Variants in DNAH7 observed in about 807,000 individuals in gnomAD.
DNAH7 encodes dynein axonemal heavy chain 7, also known as axonemal beta dynein heavy chain 7.
Under a neutral mutation model 444.6 loss-of-function variants are expected in DNAH7, and 397 were observed. The ratio of observed to expected loss-of-function variants is 0.89; its 90% CI spans 0.82 to 0.97. The LOEUF is 0.97. DNAH7 is among the 50% of genes least tolerant of loss of function. DNAH7 has a pLI of 0.00. For missense variants in DNAH7, 4,902 were observed against 4,800.8 expected, an observed-to-expected ratio of 1.02 and a Z score of -0.62; for synonymous variants, 1,636 against 1,624.4, an observed-to-expected ratio of 1.01 and a Z score of -0.17.
In DNAH7 at chr2:195,864,929, A is replaced by G. The variant is rs770562653; in HGVS notation, c.6726T>C (p.Tyr2242=). 3.1e-6 allele frequency: 5 copies of G among 1,612,144 alleles called. No homozygotes were observed. Among genetic ancestry groups the G allele is most frequent in the Non-Finnish European group, 4.2e-6 (5 of 1,180,004 alleles). ...GCTGAAAAAGCTCATGAAAATCTTC[A>G]TACATGTAGTTTCTCAAAATTTCTT... The part of the protein sequence containing the change: ...YIQEILRNYM[Y]EDFHELFQRL... Residue 2242 remains tyrosine (Y), a synonymous_variant, in exon 41 of 65, where the codon TAT becomes TAC. Transcript: ENST00000312428.
chr2:195,926,532 T>C lies in DNAH7; in HGVS notation c.3506A>G (p.Tyr1169Cys). 8 of 1,602,380 alleles carry C rather than the reference T, an allele frequency of 5.0e-6. No individual in the cohort carries two copies. Among genetic ancestry groups the C allele is most frequent in the East Asian group, 2.3e-5 (1 of 43,844 alleles). Reference protein sequence around the residue: ...TGDATFAYTKYERINWVRDWP... With the variant: ...TGDATFAYTKCERINWVRDWP... ...ATCCCTTACCCAGTTAATTCGTTCA[T>C]ATTTTGTATAGGCAAAAGTTGCATC... Residue 1169 changes from tyrosine to cysteine, a missense_variant, in exon 22 of 65, where the codon TAT becomes TGT. Physicochemically the swap from Tyr to Cys is radical, Grantham distance 194. Coordinates refer to ENST00000312428, the MANE Select transcript of DNAH7 (RefSeq NM_018897.3).
intron 32 of DNAH7, 134 bp downstream of exon 32, chr2:195,888,665 T>C (rs1047404343): frequency 2.9e-6 from 3 of 1,032,546 alleles, no homozygotes; most frequent in Non-Finnish European, 4.2e-6. Context: ...ATAACGTCTG[T>C]ACTTTGAGAA....
chr2:195,858,350 T>A, intron 43 of DNAH7, 124 bp downstream of exon 43: 1 of 837,218 alleles, frequency 1.2e-6, no homozygotes, highest in Non-Finnish European at 1.7e-6. Context: ...AATTTCAAAA[T>A]GATTTCAGCT....
At chr2:195,869,814 T>C (rs1442645303) in intron 40 of DNAH7, among the ~76,000 whole-genome samples, 1 of 152,172 alleles carries the variant, frequency 6.6e-6, no homozygotes, top group Non-Finnish European at 1.5e-5. Context: ...GAAATTCCTC[T>C]GAATGAAGTA....
chr2:195,932,072 A>C (rs1688735992), intron 21 of DNAH7, among the ~76,000 whole-genome samples: 1 of 152,138 alleles, frequency 6.6e-6, no homozygotes, highest in South Asian at 2.1e-4. Context: ...ATGTTCTTCC[A>C]TTTGTTTGTA....
intron 33 of DNAH7, among the ~76,000 whole-genome samples, chr2:195,887,360 A>G (rs2125203890): frequency 6.6e-6 from 1 of 151,642 alleles, no homozygotes; most frequent in East Asian, 1.9e-4. Context: ...TATCTACAAC[A>G]TATTTCAGTT....
Position 196,001,766 on chromosome 2 carries a change from A to G in DNAH7, c.1082T>C (p.Phe361Ser). The change falls in exon 11 of 65, where the codon TTC (phenylalanine) becomes TCC (serine). Residue 361 changes from phenylalanine (F) to serine (S), a missense_variant. Phe to Ser is a radical substitution (Grantham distance 155). Coordinates refer to ENST00000312428, the MANE Select transcript of DNAH7 (RefSeq NM_018897.3). Reference protein sequence around the residue: ...GDSSAKLESFFNCAAALMTLQ... With the variant: ...GDSSAKLESFSNCAAALMTLQ... The stretch of plus-strand genomic sequence containing the variant: ...AGTCATAAGTGCAGCAGCACAGTTG[A>G]AAAAAGATTCCAATTTGGCACTGCT... 1 of 1,613,046 alleles carries G rather than the reference A, an allele frequency of 6.2e-7. No homozygotes were observed. The highest frequency in any genetic ancestry group is 1.1e-5 in the South Asian group (1 of 90,766).
intron 58 of DNAH7, among the ~76,000 whole-genome samples, chr2:195,782,165 T>C (rs7596121): frequency 0.15 from 23,534 of 152,234 alleles, 2,207 homozygotes; most frequent in African/African-American, 0.25. Flanking sequence ...ATGAAGAATC[T>C]ACTTTAGCAA....
chr2:195,859,424 T>TTTTAATAGTTTAATTTAATTAAAATA lies in DNAH7; in HGVS notation c.7737-621_7737-620insTATTTTAATTAAATTAAACTATTAAA, dbSNP rs1699895762. Among the ~76,000 whole-genome samples the TTTTAATAGTTTAATTTAATTAAAATA allele has an allele frequency of 2.6e-5, 4 of 152,224 alleles. 1 individual carries two copies. The highest frequency in any genetic ancestry group is 6.5e-5 in the Admixed American group (1 of 15,280). Reference sequence around the variant, plus strand: ...TTTAGCATATTTTAAAAGTTTAATATTTTAATGTAGTCAAAAATTTAATCT... The same window carrying TTTTAATAGTTTAATTTAATTAAAATA: ...TTTAGCATATTTTAAAAGTTTAATATTTTAATAGTTTAATTTAATTAAAATATTTAATGTAGTCAAAAATTTAATCT... On this transcript the variant is annotated intron_variant, in intron 42 of 64. Coordinates refer to ENST00000312428, the MANE Select transcript of DNAH7 (RefSeq NM_018897.3).
At chr2:195,749,518 A>G (rs1358472962) in intron 63 of DNAH7, among the ~76,000 whole-genome samples, 6 of 152,174 alleles carry the variant, frequency 3.9e-5, no homozygotes, top group Non-Finnish European at 8.8e-5. Flanking sequence ...TGCTGCTATT[A>G]AGACACATGC....
chr2:195,914,252 T>C (rs1687534153), intron 24 of DNAH7, among the ~76,000 whole-genome samples: 1 of 152,240 alleles, frequency 6.6e-6, no homozygotes, highest in African/African-American at 2.4e-5. Context: ...CTAAAGTATG[T>C]GGTATATAGT....
At chr2:195,936,212 A>G (rs898962206) in intron 20 of DNAH7, among the ~76,000 whole-genome samples, 3 of 151,806 alleles carry the variant, frequency 2.0e-5, no homozygotes, top group Non-Finnish European at 4.4e-5. Flanking sequence ...TGTCCCTACT[A>G]AAAATACCAA....
At position 195,771,617 on chromosome 2, in the gene DNAH7, T is replaced by C. The variant is rs79102199; in HGVS notation, c.11433+43A>G. ...GTATTTGCTAAATAAATGAATGCTA[T>C]ATATAATTTAATGGGGGTTTTTTTT... On this transcript the variant is annotated intron_variant, in intron 61 of 64. Transcript: ENST00000312428. The C allele has an allele frequency of 6.4e-3, 8,807 of 1,370,736 alleles. 204 individuals carry two copies. Among genetic ancestry groups the C allele is most frequent in the East Asian group, 0.06 (2,627 of 43,498 alleles). The allele number at this position is 1,370,736 out of a possible 1,614,324, so 84.9% of individuals were successfully genotyped here.
chr2:195,993,662 T>G (rs1344088754), intron 12 of DNAH7, among the ~76,000 whole-genome samples: 1 of 152,214 alleles, frequency 6.6e-6, no homozygotes, highest in Non-Finnish European at 1.5e-5. Flanking sequence ...TGAGGAAGTT[T>G]TGTGTCCCCT....
At position 195,858,518 on chromosome 2, in the gene DNAH7, T is replaced by C. The variant is rs1487565986; in HGVS notation, c.8023A>G (p.Ile2675Val). The C allele has an allele frequency of 3.1e-6, 5 of 1,613,246 alleles. No individual in the cohort carries two copies. Among genetic ancestry groups the C allele is most frequent in the Admixed American group, 1.7e-5 (1 of 59,812 alleles). Residue 2675 changes from isoleucine to valine, a missense_variant, in exon 43 of 65, where the codon ATA (isoleucine) becomes GTA (valine). By Grantham distance (29) the Ile-to-Val change is conservative. Coordinates refer to ENST00000312428, the MANE Select transcript of DNAH7 (RefSeq NM_018897.3). ...AGGGCGGCCAGTGCTGACTCTAATA[T>C]TGGCAAGGCACCTGCCAGGTCAGCA... ...CDADLAGALP[I>V]LESALAALDT... is the part of the protein sequence containing the mutation.
chr2:196,000,914 A>T, intron 11 of DNAH7, 31 bp from the exon 12 acceptor site: 2 of 1,491,984 alleles, frequency 1.3e-6, no homozygotes, highest in Non-Finnish European at 1.8e-6. Context: ...TACATACATA[A>T]ATATGTATGA....
At chr2:196,064,707 T>C (rs1439681286) in intron 1 of DNAH7, among the ~76,000 whole-genome samples, 1 of 152,210 alleles carries the variant, frequency 6.6e-6, no homozygotes, top group African/African-American at 2.4e-5. Context: ...TTTGTATCCT[T>C]CTGCAACATG....
chr2:196,044,494 A>T (rs1156954991), intron 5 of DNAH7, among the ~76,000 whole-genome samples: 1 of 152,140 alleles, frequency 6.6e-6, no homozygotes, highest in Non-Finnish European at 1.5e-5. Flanking sequence ...GGTACAGTGT[A>T]CACTGTTTAG....
chr2:195,888,559 T>C (rs1163149193), intron 32 of DNAH7, 125 bp from the exon 33 acceptor site: 1 of 1,079,704 alleles, frequency 9.3e-7, no homozygotes, highest in Non-Finnish European at 1.3e-6. Context: ...TATTATATAA[T>C]TTCATGATGT....
Sources: allele counts gnomAD v4.1 joint callset (sites outside exome capture counted in the v4.1 genomes callset), GRCh38; gene constraint gnomAD v4.1.1; transcripts MANE v1.5; gene names NCBI Gene and HGNC (gene_info 2026-07-23, HGNC 2026-07-21).